Variants in TBC1D30 observed in about 807,000 individuals in gnomAD.
The protein encoded by TBC1D30 is TBC1 domain family member 30.
TBC1D30 carries 31 observed loss-of-function variants against 63.2 expected under a neutral mutation model. The ratio of observed to expected loss-of-function variants is 0.49; its 90% CI spans 0.37 to 0.66. The LOEUF (loss-of-function observed/expected upper bound fraction) is 0.66. TBC1D30 is among the 30% of genes least tolerant of loss of function. The pLI is 0.00. For missense variants in TBC1D30, 810 were observed against 953.6 expected (o/e 0.85, Z 1.98); for synonymous variants, 307 against 361.5 (o/e 0.85, Z 1.71).
chr12:64,853,320 A>G (rs531469658), intron 8 of TBC1D30, among the ~76,000 whole-genome samples: 12 of 152,270 alleles, frequency 7.9e-5, no homozygotes. Flanking sequence ...AAGCCTCAGT[A>G]ATGGTGGACG....
rs566739271 is a variant in TBC1D30 at position 64,790,943 on chromosome 12, G to A, written c.643+4898G>A. The stretch of plus-strand genomic sequence containing the variant: ...CATTTTCACTCCTAGATTTCTACCC[G>A]AGAGAATTGAAGACATATGTCCCCA... On this transcript the variant is annotated intron_variant, in intron 2 of 12. Coordinates refer to the TBC1D30 transcript ENST00000542120. Among the ~76,000 whole-genome samples, 3 of 152,206 alleles carry A rather than the reference G, an allele frequency of 2.0e-5. No homozygotes were observed. The East Asian group carries it at 5.8e-4, about 29-fold the overall frequency.
At chr12:64,782,389 G>T (rs557567285) in intron 1 of TBC1D30, among the ~76,000 whole-genome samples, 1 of 148,696 alleles carries the variant, frequency 6.7e-6, no homozygotes, top group Non-Finnish European at 1.5e-5. Flanking sequence ...TCCTAGTGAA[G>T]ATTTTTTTTT....
At chr12:64,868,579 TC>T in intron 10 of TBC1D30, 1 of 311,660 alleles carries the variant, frequency 3.2e-6, no homozygotes, top group Non-Finnish European at 6.1e-6. Flanking sequence ...TTTTGAAGCA[TC>T]TTTTCGGCAA....
At chr12:64,786,105 G>A (rs1592540431) in intron 2 of TBC1D30, 4 of 1,214,812 alleles carry the variant, frequency 3.3e-6, no homozygotes, top group East Asian at 5.8e-5. Context: ...TAGGAAAGCT[G>A]AGCCAACAGT....
chr12:64,777,301 A>G (rs1169652516), upstream of TBC1D30, among the ~76,000 whole-genome samples: 1 of 152,210 alleles, frequency 6.6e-6, no homozygotes, highest in Non-Finnish European at 1.5e-5. Context: ...TCAAATAGGA[A>G]GAGAGGAAGT....
chr12:64,779,302 AG>A (rs1237544172), upstream of TBC1D30: 1 of 152,228 alleles, frequency 6.6e-6, no homozygotes, highest in Non-Finnish European at 1.5e-5. Flanking sequence ...CAGGGACAAC[AG>A]GGAAAAAGAC....
rs60440376 is a variant in TBC1D30, at chr12:64,840,004, C to CAAAAAAAA, written c.932+1170_932+1177dup. The stretch of plus-strand genomic sequence containing the variant: ...TGGACGACAGAGCAAGACTCTGTCT[C>CAAAAAAAA]AAAAAAAAAAAAAAAAAAAAAAAAT... On this transcript the variant is annotated intron_variant, in intron 7 of 11. Coordinates refer to ENST00000539867, the MANE Select transcript of TBC1D30 (RefSeq NM_015279.2). 1.6e-3 allele frequency among the ~76,000 whole-genome samples: 153 copies of CAAAAAAAA among 98,310 alleles called. 5 individuals are homozygous for CAAAAAAAA. The highest frequency in any genetic ancestry group is 7.4e-3 in the African/African-American group (143 of 19,324). The allele number at this position is 98,310 out of a possible 152,430, so 64.5% of individuals were successfully genotyped here.
intron 9 of TBC1D30, 64 bp downstream of exon 9, chr12:64,864,844 T>C: frequency 2.7e-6 from 3 of 1,131,142 alleles, no homozygotes; most frequent in Non-Finnish European, 1.3e-6. Context: ...TTTGTTATTG[T>C]AAATTAATAT....
chr12:64,866,757 T>A lies in TBC1D30; in HGVS notation c.1152-7T>A, dbSNP rs74099695. ...ATATTTCTTTTTTGTCTTTTATGTTTTCCAAGACGACATAGTAAGGCCAGA... is the reference window on the plus strand; with the variant it reads ...ATATTTCTTTTTTGTCTTTTATGTTATCCAAGACGACATAGTAAGGCCAGA... On this transcript the variant is annotated splice_polypyrimidine_tract_variant and splice_region_variant and intron_variant, in intron 9 of 11. Coordinates refer to ENST00000539867, the MANE Select transcript of TBC1D30 (RefSeq NM_015279.2). 2.6e-3 allele frequency: 4,064 copies of A among 1,534,008 alleles called. 99 individuals carry two copies. The African/African-American group carries it at 0.05, about 19-fold the overall frequency.
intron 2 of TBC1D30, chr12:64,786,160 C>T (rs1406041551): frequency 3.0e-6 from 2 of 673,702 alleles, no homozygotes; most frequent in East Asian, 6.8e-5. Flanking sequence ...CAAGCTTATA[C>T]CCTCAGAACT....
chr12:64,781,338 C>G lies in TBC1D30; in HGVS notation c.478+52C>G, dbSNP rs932746926. On this transcript the variant is annotated intron_variant, in intron 1 of 12. Transcript: ENST00000542120. Reference sequence around the variant, plus strand: ...GGGGGCTTCCTGGAGCCGGGTTGTCCTCGCCGTCTCTGCCCGCGCTCCAGC... The same window carrying G: ...GGGGGCTTCCTGGAGCCGGGTTGTCGTCGCCGTCTCTGCCCGCGCTCCAGC... 7.6e-6 allele frequency: 8 copies of G among 1,049,940 alleles called. No individual in the cohort carries two copies. In the South Asian group the frequency reaches 1.4e-4, roughly 19 times the overall value. The allele number at this position is 1,049,940 out of a possible 1,614,324, so 65.0% of individuals were successfully genotyped here.
rs188000680 is a variant in TBC1D30, at chr12:64,876,546, C to A, written c.*758C>A. On this transcript the variant is annotated 3_prime_UTR_variant, in exon 12 of 12. Transcript: ENST00000539867. ...CTGAGCTTTTCCTGAGGTTTGTGTTCGCCTCTCAAGGAGAGCTTTGATCCT... is the reference window on the plus strand; with the variant it reads ...CTGAGCTTTTCCTGAGGTTTGTGTTAGCCTCTCAAGGAGAGCTTTGATCCT... The A allele has an allele frequency of 1.1e-3, 335 of 311,402 alleles. No individual in the cohort carries two copies. The highest frequency in any genetic ancestry group is 1.9e-3 in the Non-Finnish European group (299 of 156,510). 19.3% of individuals were successfully genotyped at this position (311,402 alleles called of 1,614,324 possible).
At chr12:64,761,404 G>A (rs1870507689) in intron 1 of TBC1D30, among the ~76,000 whole-genome samples, 1 of 152,144 alleles carries the variant, frequency 6.6e-6, no homozygotes, top group Non-Finnish European at 1.5e-5. Flanking sequence ...ATAAGCCTGA[G>A]GCCTGCTATG....
chr12:64,811,541 C>G (rs561709968), intron 2 of TBC1D30, among the ~76,000 whole-genome samples: 1 of 152,196 alleles, frequency 6.6e-6, no homozygotes, highest in East Asian at 1.9e-4. Flanking sequence ...GGATGAGTTA[C>G]AGGGTGGGTT....
intron 2 of TBC1D30, among the ~76,000 whole-genome samples, chr12:64,796,665 A>G (rs1872292839): frequency 6.6e-6 from 1 of 152,212 alleles, no homozygotes; most frequent in Admixed American, 6.5e-5. Flanking sequence ...TTTGCAATTT[A>G]TAGTTTAAAA....
chr12:64,864,102 T>A (rs1878009628), intron 8 of TBC1D30, among the ~76,000 whole-genome samples: 1 of 152,100 alleles, frequency 6.6e-6, no homozygotes, highest in South Asian at 2.1e-4. Flanking sequence ...GTCACTTTTT[T>A]CTTGTCTTTT....
intron 2 of TBC1D30, among the ~76,000 whole-genome samples, chr12:64,787,169 A>G (rs907300029): frequency 6.6e-6 from 1 of 152,212 alleles, no homozygotes; most frequent in African/African-American, 2.4e-5. Flanking sequence ...TTGCATAATC[A>G]TAACTAAGAG....
chr12:64,830,594 C>A lies in TBC1D30; in HGVS notation c.408+92C>A, dbSNP rs370815971. 12 of 1,187,924 alleles carry A rather than the reference C, an allele frequency of 1.0e-5. No homozygotes were observed. In the East Asian group the frequency reaches 1.9e-4, roughly 19 times the overall value. 73.6% of individuals were successfully genotyped at this position (1,187,924 alleles called of 1,614,324 possible). A position where few individuals can be genotyped will look rare whatever the true frequency, so the allele number is the denominator to read the frequency against. ...TGGACAGAGGATCAAATGATCTCTA[C>A]CTTCTGGTTTGAATGTCTGTATATT... is the stretch of plus-strand genomic sequence containing the variant. On this transcript the variant is annotated intron_variant, in intron 4 of 11. Coordinates refer to ENST00000539867, the MANE Select transcript of TBC1D30 (RefSeq NM_015279.2).
intron 2 of TBC1D30, among the ~76,000 whole-genome samples, chr12:64,791,525 G>A (rs1871918912): frequency 6.6e-6 from 1 of 151,904 alleles, no homozygotes; most frequent in Admixed American, 6.6e-5. Context: ...TTTTGGTTTT[G>A]GTTTTTTGAG....
Sources: allele counts gnomAD v4.1 joint callset (sites outside exome capture counted in the v4.1 genomes callset), GRCh38; gene constraint gnomAD v4.1.1; transcripts MANE v1.5; gene names NCBI Gene and HGNC (gene_info 2026-07-23, HGNC 2026-07-21).